Variants in SPIRE2 observed in about 807,000 individuals in gnomAD.
SPIRE2 encodes spire type actin nucleation factor 2.
Under a neutral mutation model 80.7 loss-of-function variants are expected in SPIRE2, and 76 were observed. The observed-to-expected ratio is 0.94, with a 90% CI of 0.78 to 1.14. SPIRE2 has a LOEUF of 1.14. Ranked by LOEUF, SPIRE2 falls within the 50% of genes most tolerant of loss-of-function variation. SPIRE2 has a pLI of 0.00. For missense variants in SPIRE2, 1,196 were observed against 1,015.3 expected, an observed-to-expected ratio of 1.18 and a Z score of -2.42; for synonymous variants, 535 against 432.6, an observed-to-expected ratio of 1.24 and a Z score of -2.94.
Position 89,870,031 on chromosome 16 carries a change from G to A in SPIRE2, c.1923-19G>A, listed in dbSNP as rs2041825707. The A allele has an allele frequency of 3.7e-6, 6 of 1,604,990 alleles. No homozygotes were observed. Among genetic ancestry groups the A allele is most frequent in the South Asian group, 1.1e-5 (1 of 90,060 alleles). ...CCCTGGCTGGCTCCTCTCCCTGAGT[G>A]CCCTCTCCCACTTCCCAGGTCTCTG... is the stretch of plus-strand genomic sequence containing the variant. On this transcript the variant is annotated intron_variant, in intron 14 of 14. Coordinates refer to ENST00000378247, the MANE Select transcript of SPIRE2 (RefSeq NM_032451.2).
intron 7 of SPIRE2, 61 bp from the exon 8 acceptor site, chr16:89,858,277 A>T (rs543554477): frequency 3.4e-6 from 5 of 1,468,570 alleles, no homozygotes; most frequent in Middle Eastern, 2.4e-4. Flanking sequence ...CAAAGCTGTC[A>T]GCTCCTGCCT....
At chr16:89,859,399 C>A in intron 9 of SPIRE2, 45 bp downstream of exon 9, 1 of 1,260,890 alleles carries the variant, frequency 7.9e-7, no homozygotes, top group East Asian at 2.9e-5. Context: ...GCCCCCACCC[C>A]GATCCATCCT....
chr16:89,842,875 G>A (rs539885373), intron 1 of SPIRE2, among the ~76,000 whole-genome samples: 2 of 152,358 alleles, frequency 1.3e-5, no homozygotes, highest in African/African-American at 4.8e-5. Context: ...CCACTGATGC[G>A]GGGGTGGATT....
chr16:89,866,344 C>T (rs1009567323), intron 12 of SPIRE2, among the ~76,000 whole-genome samples: 5 of 151,806 alleles, frequency 3.3e-5, no homozygotes, highest in East Asian at 3.9e-4. Flanking sequence ...GTTGCCCAGT[C>T]GGAAGTGCAA....
At chr16:89,835,909 T>C (rs1463582476) in intron 1 of SPIRE2, among the ~76,000 whole-genome samples, 1 of 152,112 alleles carries the variant, frequency 6.6e-6, no homozygotes, top group Admixed American at 6.6e-5. Context: ...GTGTGGTGGC[T>C]CACACCTGTA....
intron 2 of SPIRE2, chr16:89,845,621 C>A: frequency 1.4e-6 from 1 of 702,118 alleles, no homozygotes; most frequent in South Asian, 1.5e-5. Context: ...TACTTCCTTC[C>A]ACAGCTGCAC....
chr16:89,859,597 A>G lies in SPIRE2; in HGVS notation c.1462+243A>G, dbSNP rs1452621320. Among the ~76,000 whole-genome samples the G allele has an allele frequency of 3.3e-5, 5 of 152,260 alleles. No homozygotes were observed. The South Asian group carries it at 1.0e-3, about 32-fold the overall frequency. On this transcript the variant is annotated intron_variant, in intron 9 of 14. Coordinates refer to ENST00000378247, the MANE Select transcript of SPIRE2 (RefSeq NM_032451.2). ...TTAATATTTAAAAAGAATTCTCATG[A>G]TTCTATTACCTAGACATAATTAACT... is the stretch of plus-strand genomic sequence containing the variant.
chr16:89,838,906 A>G (rs2041476711), intron 1 of SPIRE2, among the ~76,000 whole-genome samples: 1 of 150,208 alleles, frequency 6.7e-6, no homozygotes, highest in South Asian at 2.1e-4. Flanking sequence ...CCTGTGTGCA[A>G]TCTAGTAGAG....
chr16:89,842,208 A>ATTTTTTTTTTTTTTTTC (rs2041512663), intron 1 of SPIRE2, among the ~76,000 whole-genome samples: 1 of 81,306 alleles, frequency 1.2e-5, no homozygotes, highest in Non-Finnish European at 2.1e-5. Context: ...TGAACACGTA[A>ATTTTTTTTTTTTTTTTC]TTTTTTTTTT....
Position 89,859,349 on chromosome 16 carries a change from A to G in SPIRE2, c.1457A>G (p.Asp486Gly). ...SAHVWRPGSR[D>G]QGTCPASVSD... ...CATGTGTGGAGGCCCGGCTCCCGAG[A>G]CCAGGGCAAGTGCTGCTTCTCACCC... Residue 486 changes from aspartate to glycine, a missense_variant, in exon 9 of 15, where the codon GAC becomes GGC. Transcript: ENST00000378247. 6.4e-7 allele frequency: 1 copy of G among 1,560,776 alleles called. No homozygotes were observed. Among genetic ancestry groups the G allele is most frequent in the African/African-American group, 1.4e-5 (1 of 73,244 alleles).
chr16:89,852,647 A>C (rs1331171750), intron 3 of SPIRE2, among the ~76,000 whole-genome samples: 3 of 19,964 alleles, frequency 1.5e-4, no homozygotes, highest in Admixed American at 6.5e-4. Flanking sequence ...CCTCCCTCTC[A>C]CCCCCCGGAT....
In SPIRE2 at chr16:89,829,800, T is replaced by C. The variant is rs1488415868; in HGVS notation, c.244+1006T>C. ...GAGCAGGCCCTGAGGTTTTACTCCC[T>C]CTGGAGAAACCTGAGGCGCAGGCTT... On this transcript the variant is annotated intron_variant, in intron 1 of 14. Coordinates refer to ENST00000378247, the MANE Select transcript of SPIRE2 (RefSeq NM_032451.2). 2.0e-5 allele frequency among the ~76,000 whole-genome samples: 3 copies of C among 151,416 alleles called. 1 individual carries two copies. Among genetic ancestry groups the C allele is most frequent in the Admixed American group, 6.6e-5 (1 of 15,260 alleles).
intron 8 of SPIRE2, 78 bp downstream of exon 8, chr16:89,858,585 A>G: frequency 7.2e-7 from 1 of 1,386,754 alleles, no homozygotes. Flanking sequence ...GGGCTAAGCT[A>G]AGCCGGGGGC....
chr16:89,847,952 G>C (rs1697460337), intron 2 of SPIRE2, among the ~76,000 whole-genome samples: 1 of 152,194 alleles, frequency 6.6e-6, no homozygotes, highest in African/African-American at 2.4e-5. Context: ...TGTGGACCGT[G>C]TGGGGGTTGG....
chr16:89,846,608 G>T (rs1195961775), intron 2 of SPIRE2: 1 of 151,850 alleles, frequency 6.6e-6, no homozygotes, highest in Non-Finnish European at 1.5e-5. Flanking sequence ...CCGCCTCCCG[G>T]GTTCACGCCA....
At position 89,870,185 on chromosome 16, in the gene SPIRE2, C is replaced by T. The variant is rs374817805; in HGVS notation, c.2058C>T (p.Ser686=). 1.4e-4 allele frequency: 233 copies of T among 1,610,108 alleles called. No homozygotes were observed. The highest frequency in any genetic ancestry group is 1.9e-4 in the Non-Finnish European group (224 of 1,178,416). Reference sequence around the variant, plus strand: ...ACGTGGTGCGTTCCAGCCGCAAGAGCGTGGACGTCCTCAACACTACGCCAC... The same window carrying T: ...ACGTGGTGCGTTCCAGCCGCAAGAGTGTGGACGTCCTCAACACTACGCCAC... The part of the protein sequence containing the change: ...VADVVRSSRK[S]VDVLNTTPRR... The change falls in exon 15 of 15, where the codon AGC becomes AGT. Residue 686 remains serine, a synonymous_variant. Transcript: ENST00000378247.
At chr16:89,864,790 G>T (rs1358355685) in intron 12 of SPIRE2, among the ~76,000 whole-genome samples, 1 of 152,156 alleles carries the variant, frequency 6.6e-6, no homozygotes, top group Admixed American at 6.5e-5. Context: ...TATCTTAACT[G>T]ATTCTGAGAA....
chr16:89,857,094 C>G, intron 7 of SPIRE2, among the ~76,000 whole-genome samples: 1 of 149,778 alleles, frequency 6.7e-6, no homozygotes, highest in South Asian at 2.1e-4. Context: ...CTTTTTATGC[C>G]TCTCATTAAA....
At chr16:89,860,628 C>A in intron 9 of SPIRE2, 55 bp from the exon 10 acceptor site, 1 of 1,247,616 alleles carries the variant, frequency 8.0e-7, no homozygotes, top group Non-Finnish European at 1.1e-6. Context: ...GGGCACAGTC[C>A]TCTTTACCAC....
Sources: gnomAD v4.1 joint callset for allele counts (sites outside exome capture counted in the v4.1 genomes callset) on GRCh38, gnomAD v4.1.1 for gene constraint, MANE v1.5 for transcripts, NCBI Gene and HGNC (gene_info 2026-07-23, HGNC 2026-07-21) for gene names.